Variants in DNAH17 observed in about 807,000 individuals in gnomAD.
DNAH17 encodes axonemal beta dynein heavy chain 17.
A neutral mutation model predicts 485.6 loss-of-function variants in DNAH17; 376 were observed. The observed-to-expected ratio is 0.77, with a 90% CI of 0.71 to 0.84. The LOEUF is 0.84. Among genes scored for constraint, DNAH17 ranks in the 40% least tolerant of loss-of-function variants. DNAH17 has a pLI of 0.00. For missense variants in DNAH17, 6,370 were observed against 5,839.3 expected (o/e 1.09, Z -2.96); for synonymous variants, 3,031 against 2,405.9 (o/e 1.26, Z -7.60).
intron 63 of DNAH17, among the ~76,000 whole-genome samples, 155 bp from the exon 64 acceptor site, chr17:78,454,860 G>A (rs2146508082): frequency 2.0e-5 from 3 of 152,220 alleles, no homozygotes; most frequent in Admixed American, 2.0e-4. Context: ...ACTCTGGACA[G>A]AGCAGCTTTG....
intron 19 of DNAH17, among the ~76,000 whole-genome samples, chr17:78,535,545 C>T (rs2091352031): frequency 6.6e-6 from 1 of 152,228 alleles, no homozygotes; most frequent in Admixed American, 6.5e-5. Flanking sequence ...CACACACGAG[C>T]ACACGCACAT....
intron 51 of DNAH17, among the ~76,000 whole-genome samples, chr17:78,478,076 CCATCATCACCATCACCACCACCATCAT>C (rs2089146023): frequency 2.4e-5 from 2 of 83,936 alleles, no homozygotes; most frequent in Non-Finnish European, 4.9e-5. Flanking sequence ...ATCACCACCA[CCATCATCACCATCACCACCACCATCAT>C]CATCATCTCC....
intron 54 of DNAH17, chr17:78,472,618 CG>C: frequency 9.9e-6 from 4 of 403,664 alleles, no homozygotes; most frequent in East Asian, 9.4e-5. Context: ...CGCCTGGCCC[CG>C]GGGGCTGTGT....
Position 78,502,931 on chromosome 17 carries a change from G to A in DNAH17, c.5037C>T (p.Tyr1679=), listed in dbSNP as rs61745252. The A allele has an allele frequency of 2.3e-3, 3,773 of 1,613,894 alleles. 77 individuals carry two copies. In the African/African-American group the frequency reaches 0.044, roughly 19 times the overall value. ...RHEIPEAVVT[Y]EEKPREQWIL... Reference sequence around the variant, plus strand: ...TCCACTGCTCCCTCGGCTTCTCTTCGTAGGTCACCACGGCCTCTGGGATTT... The same window carrying A: ...TCCACTGCTCCCTCGGCTTCTCTTCATAGGTCACCACGGCCTCTGGGATTT... Residue 1679 remains tyrosine, a synonymous_variant, in exon 32 of 81, where the codon TAC becomes TAT. Transcript: ENST00000389840.
rs2086893494 is a variant in DNAH17, at chr17:78,437,657, AGGG to A, written c.12014_12016del (p.Ala4005_Leu4006delinsVal). The A allele has an allele frequency of 6.2e-7, 1 of 1,609,660 alleles. No homozygotes were observed. On this transcript the variant is annotated inframe_deletion, in exon 74 of 81. Transcript: ENST00000389840. ...TGGCCCTACCTGGGTGAACAGGTCCAGGGCCTTGTGCAAGTTGGCGTGCATGCC... is the reference window on the plus strand; with the variant it reads ...TGGCCCTACCTGGGTGAACAGGTCCACCTTGTGCAAGTTGGCGTGCATGCC...
intron 51 of DNAH17, among the ~76,000 whole-genome samples, chr17:78,478,231 A>G (rs1378725405): frequency 1.1e-4 from 13 of 119,698 alleles, no homozygotes; most frequent in African/African-American, 3.2e-4. Flanking sequence ...CCACATCACC[A>G]TCACCACCAT....
intron 14 of DNAH17, among the ~76,000 whole-genome samples, chr17:78,553,925 G>A (rs2091963993): frequency 6.7e-6 from 1 of 149,812 alleles, no homozygotes; most frequent in Non-Finnish European, 1.5e-5. Context: ...AGCATTTCTT[G>A]GCTCAGACCC....
In DNAH17 at chr17:78,444,672, G is replaced by C. The variant is rs1298147742; in HGVS notation, c.11460C>G (p.Asn3820Lys). The C allele has an allele frequency of 6.2e-7, 1 of 1,610,798 alleles. No individual in the cohort carries two copies. The change falls in exon 71 of 81, where the codon AAC becomes AAG. Residue 3820 changes from asparagine (N) to lysine (K), a missense_variant. By Grantham distance (94) the Asn-to-Lys change is moderately conservative. Transcript: ENST00000389840. ...EKEIFPKEWK[N>K]KTALQKLCMV... ...TGCACAGCTTCTGCAGGGCCGTCTT[G>C]TTCTTCCACTCCTTGGGGAAGATCT...
rs760074047 is a variant in DNAH17 at position 78,561,715 on chromosome 17, G to A, written c.1835C>T (p.Pro612Leu). The A allele has an allele frequency of 3.7e-5, 60 of 1,603,154 alleles. No individual in the cohort carries two copies. The Middle Eastern group carries it at 5.0e-4, about 13-fold the overall frequency. Reference sequence around the variant, plus strand: ...GCCCCTGCCCAGGGCTGTGACTCACGGGTGTTCGACGTGCTTCAGGTGTTT... The same window carrying A: ...GCCCCTGCCCAGGGCTGTGACTCACAGGTGTTCGACGTGCTTCAGGTGTTT... ...SMKHLKHVEHPVMSGAEAKLT... is the reference protein window; with the variant it reads ...SMKHLKHVEHLVMSGAEAKLT... Residue 612 changes from proline (P) to leucine (L), a missense_variant and splice_region_variant, in exon 12 of 81, where the codon CCG becomes CTG. By Grantham distance (98) the Pro-to-Leu change is moderately conservative. Coordinates refer to ENST00000389840, the MANE Select transcript of DNAH17 (RefSeq NM_173628.4).
chr17:78,566,767 G>A lies in DNAH17; in HGVS notation c.1453-37C>T, dbSNP rs576346607. 125 of 1,525,460 alleles carry A rather than the reference G, an allele frequency of 8.2e-5. 1 individual carries two copies. In the South Asian group the frequency reaches 1.0e-3, roughly 12 times the overall value. The allele number at this position is 1,525,460 out of a possible 1,614,324, so 94.5% of individuals were successfully genotyped here. A position where few individuals can be genotyped will look rare whatever the true frequency, so the allele number is the denominator to read the frequency against. ...TGGAAATGTCAACCTTGTAATCAGC[G>A]TGCAAAGCAAGCCAAGGGCACCCTC... On this transcript the variant is annotated intron_variant, in intron 10 of 80. Transcript: ENST00000389840.
intron 44 of DNAH17, chr17:78,489,887 T>A (rs1298596871): frequency 6.6e-6 from 1 of 151,918 alleles, no homozygotes; most frequent in Non-Finnish European, 1.5e-5. Flanking sequence ...GGATGAACTG[T>A]GACCTCCAGC....
chr17:78,549,826 G>A (rs771371303), intron 16 of DNAH17, among the ~76,000 whole-genome samples: 11 of 152,180 alleles, frequency 7.2e-5, no homozygotes, highest in Non-Finnish European at 1.3e-4. Flanking sequence ...AGAGCCTGCA[G>A]CCAACCCTCT....
chr17:78,524,107 G>A lies in DNAH17; in HGVS notation c.3864+902C>T, dbSNP rs912846852. On this transcript the variant is annotated intron_variant, in intron 25 of 80. Transcript: ENST00000389840. ...TGGGAGGTGATGAGGTCATCGGGGC[G>A]TGGCCCTCAGGAATGTGATTTGTGC... 2.6e-5 allele frequency among the ~76,000 whole-genome samples: 4 copies of A among 152,044 alleles called. No individual in the cohort carries two copies. The South Asian group carries it at 6.2e-4, about 24-fold the overall frequency.
rs552361872 is a variant in DNAH17 at position 78,472,475 on chromosome 17, C to T, written c.8511+2803G>A. On this transcript the variant is annotated intron_variant, in intron 54 of 80. Transcript: ENST00000389840. Reference sequence around the variant, plus strand: ...TTCCCTCTCATTTGCAGGAAGCTGGCGGGGAGGCGGGGACCTGAGCCGCTG... The same window carrying T: ...TTCCCTCTCATTTGCAGGAAGCTGGTGGGGAGGCGGGGACCTGAGCCGCTG... 2.5e-3 allele frequency among the ~76,000 whole-genome samples: 384 copies of T among 152,238 alleles called. 2 individuals carry two copies. The highest frequency in any genetic ancestry group is 9.1e-3 in the African/African-American group (378 of 41,530).
intron 26 of DNAH17, 90 bp from the exon 27 acceptor site, chr17:78,510,596 C>A: frequency 6.5e-7 from 1 of 1,550,232 alleles, no homozygotes; most frequent in Non-Finnish European, 8.8e-7. Flanking sequence ...AGAGCCATTG[C>A]CGGGGCACGA....
At chr17:78,497,824 G>A (rs1033844434) in intron 37 of DNAH17, among the ~76,000 whole-genome samples, 1 of 152,220 alleles carries the variant, frequency 6.6e-6, no homozygotes, top group Non-Finnish European at 1.5e-5. Flanking sequence ...GCCAAGCCGA[G>A]AGTCAGGGGT....
Position 78,490,632 on chromosome 17 carries a change from G to C in DNAH17, c.6818+67C>G, listed in dbSNP as rs544029182. 5 of 1,526,214 alleles carry C rather than the reference G, an allele frequency of 3.3e-6. No homozygotes were observed. In the East Asian group the frequency reaches 9.6e-5, roughly 29 times the overall value. The allele number at this position is 1,526,214 out of a possible 1,614,324, so 94.5% of individuals were successfully genotyped here. A position where few individuals can be genotyped will look rare whatever the true frequency, so the allele number is the denominator to read the frequency against. ...GAATGATGAATGAATATGCAACTCT[G>C]AAACAGGCCAACAAGTTCGTTTTTC... On this transcript the variant is annotated intron_variant, in intron 44 of 80. Coordinates refer to ENST00000389840, the MANE Select transcript of DNAH17 (RefSeq NM_173628.4).
At chr17:78,488,488 C>T (rs1439761575) in intron 44 of DNAH17, among the ~76,000 whole-genome samples, 1 of 152,202 alleles carries the variant, frequency 6.6e-6, no homozygotes, top group Non-Finnish European at 1.5e-5. Flanking sequence ...CTCTTCTCTG[C>T]TCCCATAGGG....
At chr17:78,451,354 G>A in intron 66 of DNAH17, 115 bp downstream of exon 66, 2 of 954,890 alleles carry the variant, frequency 2.1e-6, no homozygotes, top group Non-Finnish European at 3.1e-6. Flanking sequence ...CACCTTCAGA[G>A]AGAAGCAACG....
Sources: gnomAD v4.1 joint callset for allele counts (sites outside exome capture counted in the v4.1 genomes callset) on GRCh38, gnomAD v4.1.1 for gene constraint, MANE v1.5 for transcripts, NCBI Gene and HGNC (gene_info 2026-07-23, HGNC 2026-07-21) for gene names.